Variants in BCAT1 observed in about 807,000 individuals in gnomAD.
BCAT1 encodes the protein branched chain amino acid transaminase 1.
In BCAT1, 48 loss-of-function variants were observed where a neutral mutation model predicts 52.4. The ratio of observed to expected loss-of-function variants is 0.92; its 90% CI spans 0.73 to 1.16. The LOEUF (loss-of-function observed/expected upper bound fraction) is 1.16, where lower values mean the gene tolerates loss of function less well. BCAT1 is among the 50% of genes most tolerant of loss of function. The probability of loss-of-function intolerance (pLI) is 0.00; values close to 1 mark genes in which losing one functional copy is unlikely to be tolerated. For synonymous variants in BCAT1, 167 were observed against 161.3 expected (o/e 1.04, Z -0.27); for missense variants, 451 against 457.1 (o/e 0.99, Z 0.12).
At chr12:24,844,598 T>C (rs189240156) in intron 6 of BCAT1, among the ~76,000 whole-genome samples, 19 of 151,442 alleles carry the variant, frequency 1.3e-4, no homozygotes, top group Non-Finnish European at 4.4e-5. Flanking sequence ...ACCAAGGTAA[T>C]GTTAAGAGTC....
chr12:24,836,309 C>T, intron 8 of BCAT1: 1 of 536,966 alleles, frequency 1.9e-6, no homozygotes, highest in Non-Finnish European at 3.3e-6. Flanking sequence ...TGGTTTCTCT[C>T]TGCCCTTGCT....
intron 10 of BCAT1, among the ~76,000 whole-genome samples, chr12:24,821,468 TG>T (rs906672314): frequency 2.0e-5 from 3 of 152,170 alleles, no homozygotes; most frequent in African/African-American, 7.2e-5. Context: ...GATTATTTGT[TG>T]ACAGCAGTGT....
intron 1 of BCAT1, chr12:24,902,234 G>C (rs1440709091): frequency 7.3e-7 from 1 of 1,377,928 alleles, no homozygotes. Context: ...GTCTAGACTG[G>C]GGTGTTAAGC....
At position 24,832,875 on chromosome 12, in the gene BCAT1, A is replaced by G. The variant is rs1940744493; in HGVS notation, c.904-12T>C. 3 of 1,597,556 alleles carry G rather than the reference A, an allele frequency of 1.9e-6. No homozygotes were observed. The highest frequency in any genetic ancestry group is 1.3e-5 in the African/African-American group (1 of 74,294). On this transcript the variant is annotated splice_polypyrimidine_tract_variant and intron_variant, in intron 8 of 10. Coordinates refer to ENST00000261192, the MANE Select transcript of BCAT1 (RefSeq NM_005504.7). ...ACCTTAAATTCACCCTGCATGGAATATAAAAAATAACAAGTATATTTTAAA... is the reference window on the plus strand; with the variant it reads ...ACCTTAAATTCACCCTGCATGGAATGTAAAAAATAACAAGTATATTTTAAA...
At chr12:24,835,619 C>T (rs1940887838) in intron 8 of BCAT1, among the ~76,000 whole-genome samples, 1 of 151,474 alleles carries the variant, frequency 6.6e-6, no homozygotes, top group South Asian at 2.1e-4. Context: ...GACATGGTCT[C>T]ACCCTGTATT....
At position 24,878,157 on chromosome 12, in the gene BCAT1, C is replaced by A. The variant is rs537351057; in HGVS notation, c.510+373G>T. On this transcript the variant is annotated intron_variant, in intron 5 of 10. Coordinates refer to ENST00000261192, the MANE Select transcript of BCAT1 (RefSeq NM_005504.7). Reference sequence around the variant, plus strand: ...CGACAACGTGGGCAAAAAAAAAAAACCAGAGAGAGACCTCAAAAAAAAAAA... The same window carrying A: ...CGACAACGTGGGCAAAAAAAAAAAAACAGAGAGAGACCTCAAAAAAAAAAA... Among the ~76,000 whole-genome samples the A allele has an allele frequency of 1.2e-4, 18 of 150,266 alleles. No homozygotes were observed. The East Asian group carries it at 1.7e-3, about 15-fold the overall frequency.
chr12:24,940,061 G>T (rs1943824636), intron 1 of BCAT1, among the ~76,000 whole-genome samples: 1 of 152,026 alleles, frequency 6.6e-6, no homozygotes, highest in Admixed American at 6.6e-5. Flanking sequence ...GAGCTTACTG[G>T]TTCTTTCCTC....
At chr12:24,859,648 C>CTTTT (rs1054550938) in intron 5 of BCAT1, among the ~76,000 whole-genome samples, 2 of 146,060 alleles carry the variant, frequency 1.4e-5, no homozygotes, top group Admixed American at 1.4e-4. Flanking sequence ...AAGGATTTTG[C>CTTTT]TTTTGGAAAA....
intron 6 of BCAT1, among the ~76,000 whole-genome samples, chr12:24,848,264 C>T (rs1941402956): frequency 6.6e-6 from 1 of 152,068 alleles, no homozygotes; most frequent in African/African-American, 2.4e-5. Context: ...CAAAAGGTAA[C>T]AGAATTCCCC....
chr12:24,879,140 TA>T (rs1942427486), intron 4 of BCAT1, among the ~76,000 whole-genome samples: 1 of 152,152 alleles, frequency 6.6e-6, no homozygotes, highest in Admixed American at 6.6e-5. Context: ...AAAGGATTCT[TA>T]AGTAGGAGAT....
intron 1 of BCAT1, chr12:24,902,422 T>A: frequency 9.4e-7 from 1 of 1,065,070 alleles, no homozygotes; most frequent in Non-Finnish European, 1.1e-6. Flanking sequence ...TAGTGGGCAA[T>A]TTAAAAGATA....
At chr12:24,898,694 T>G (rs1286948000) in intron 2 of BCAT1, among the ~76,000 whole-genome samples, 1 of 151,886 alleles carries the variant, frequency 6.6e-6, no homozygotes, top group East Asian at 1.9e-4. Flanking sequence ...TTTTGTATTT[T>G]TAATACAAAC....
intron 10 of BCAT1, among the ~76,000 whole-genome samples, chr12:24,823,175 A>T (rs1411135041): frequency 6.6e-6 from 1 of 151,580 alleles, no homozygotes; most frequent in East Asian, 1.9e-4. Flanking sequence ...TCCCACCTCA[A>T]CCTGTAGCTG....
At chr12:24,884,651 C>T (rs1174921550) in intron 3 of BCAT1, among the ~76,000 whole-genome samples, 1 of 152,094 alleles carries the variant, frequency 6.6e-6, no homozygotes, top group Non-Finnish European at 1.5e-5. Context: ...ATTGTATGCA[C>T]TTAATGACAT....
intron 1 of BCAT1, among the ~76,000 whole-genome samples, chr12:24,948,224 G>T (rs1943963522): frequency 1.3e-5 from 2 of 152,196 alleles, no homozygotes; most frequent in South Asian, 4.1e-4. Context: ...GTTTTCCAGT[G>T]TGTGAAACTA....
At chr12:24,892,054 G>A (rs1942858746) in intron 3 of BCAT1, among the ~76,000 whole-genome samples, 1 of 144,762 alleles carries the variant, frequency 6.9e-6, no homozygotes, top group African/African-American at 2.6e-5. Flanking sequence ...ACCTCGCCTG[G>A]CCGTTTTTTG....
At chr12:24,826,910 A>G (rs2139353220) in intron 10 of BCAT1, among the ~76,000 whole-genome samples, 1 of 152,168 alleles carries the variant, frequency 6.6e-6, no homozygotes, top group Admixed American at 6.5e-5. Flanking sequence ...TATAAATGGG[A>G]TTGCTTTCTT....
chr12:24,924,238 G>A (rs1943545942), intron 1 of BCAT1, among the ~76,000 whole-genome samples: 1 of 152,128 alleles, frequency 6.6e-6, no homozygotes, highest in Non-Finnish European at 1.5e-5. Context: ...TATAATGAGA[G>A]GAGGGAGAGA....
intron 1 of BCAT1, among the ~76,000 whole-genome samples, chr12:24,946,991 G>A (rs909841665): frequency 2.6e-5 from 4 of 151,814 alleles, no homozygotes; most frequent in Non-Finnish European, 5.9e-5. Context: ...TGAAAATATT[G>A]GCCAGCATTA....
Sources: gnomAD v4.1 joint callset for allele counts (sites outside exome capture counted in the v4.1 genomes callset) on GRCh38, gnomAD v4.1.1 for gene constraint, MANE v1.5 for transcripts, NCBI Gene and HGNC (gene_info 2026-07-23, HGNC 2026-07-21) for gene names.